CCDC152: variants seen among roughly 807,000 people sequenced by gnomAD.
CCDC152 encodes coiled-coil domain containing 152.
A neutral mutation model predicts 38.1 loss-of-function variants in CCDC152; 37 were observed. The ratio of observed to expected loss-of-function variants is 0.97; its 90% CI spans 0.75 to 1.28. The LOEUF (loss-of-function observed/expected upper bound fraction) is 1.28. Ranked by LOEUF, CCDC152 falls within the 50% of genes most tolerant of loss-of-function variation. The pLI, the probability that CCDC152 is intolerant of heterozygous loss-of-function variation, is 0.00. For synonymous variants in CCDC152, 83 were observed against 87.1 expected (o/e 0.95, Z 0.26); for missense variants, 259 against 292.1 (o/e 0.89, Z 0.83).
intron 6 of CCDC152, among the ~76,000 whole-genome samples, chr5:42,789,428 C>T (rs1455865082): frequency 6.6e-6 from 1 of 152,174 alleles, no homozygotes; most frequent in Non-Finnish European, 1.5e-5. Context: ...GAATTCCCAA[C>T]CTCAAGTAAT....
At chr5:42,760,989 C>T (rs1243592622) in intron 2 of CCDC152, among the ~76,000 whole-genome samples, 3 of 152,036 alleles carry the variant, frequency 2.0e-5, no homozygotes, top group Admixed American at 1.3e-4. Context: ...TTGAAAGAGT[C>T]GTCTCTTGGA....
In CCDC152 at chr5:42,784,382, A is replaced by G. The variant is rs1579717282; in HGVS notation, c.430+806A>G. On this transcript the variant is annotated intron_variant, in intron 6 of 8. Coordinates refer to ENST00000361970, the MANE Select transcript of CCDC152 (RefSeq NM_001134848.2). ...TTAGTAATGTTGAACATTTTTTCAT[A>G]TGCTTGTCAGCTGTGTGTATGTCTT... Among the ~76,000 whole-genome samples the G allele has an allele frequency of 2.0e-5, 3 of 152,226 alleles. No homozygotes were observed. The South Asian group carries it at 6.2e-4, about 32-fold the overall frequency.
At chr5:42,765,677 A>G (rs1759615087) in intron 3 of CCDC152, among the ~76,000 whole-genome samples, 1 of 152,188 alleles carries the variant, frequency 6.6e-6, no homozygotes, top group East Asian at 1.9e-4. Flanking sequence ...GACAGTCTTC[A>G]ATAACTGGTG....
At chr5:42,786,047 T>C (rs1375589695) in intron 6 of CCDC152, among the ~76,000 whole-genome samples, 1 of 152,082 alleles carries the variant, frequency 6.6e-6, no homozygotes, top group African/African-American at 2.4e-5. Flanking sequence ...GAATCTATGT[T>C]TATCAGGGAT....
chr5:42,774,225 G>A (rs1759740590), intron 4 of CCDC152, among the ~76,000 whole-genome samples: 1 of 152,154 alleles, frequency 6.6e-6, no homozygotes, highest in South Asian at 2.1e-4. Context: ...TTGATGAATT[G>A]CAGATGGCTC....
At chr5:42,774,086 G>A (rs1428164104) in intron 4 of CCDC152, among the ~76,000 whole-genome samples, 1 of 152,160 alleles carries the variant, frequency 6.6e-6, no homozygotes, top group East Asian at 1.9e-4. Flanking sequence ...CTTTTGATCA[G>A]AGAACTGAGG....
intron 6 of CCDC152, among the ~76,000 whole-genome samples, chr5:42,790,971 G>C (rs1373538253): frequency 1.3e-5 from 2 of 152,096 alleles, no homozygotes; most frequent in African/African-American, 4.8e-5. Context: ...TTCTCTACAT[G>C]AGTTCATGTA....
chr5:42,790,676 G>A (rs1225359635), intron 6 of CCDC152, among the ~76,000 whole-genome samples: 1 of 152,122 alleles, frequency 6.6e-6, no homozygotes, highest in African/African-American at 2.4e-5. Flanking sequence ...AGAAAAGAAG[G>A]AATCTTGGGT....
chr5:42,771,793 C>G (rs1759702404), intron 4 of CCDC152, among the ~76,000 whole-genome samples: 1 of 151,952 alleles, frequency 6.6e-6, no homozygotes, highest in African/African-American at 2.4e-5. Flanking sequence ...AAAGAAAAGC[C>G]CAGGATGAGG....
In CCDC152 at chr5:42,794,545, A is replaced by G. The variant is rs79231024; in HGVS notation, c.431-2284A>G. ...AAAAATAATAGCTGCTGATTTGGTG[A>G]GCCAGAAGGCCAGCAACACCATGTG... On this transcript the variant is annotated intron_variant, in intron 6 of 8. Transcript: ENST00000361970. Among the ~76,000 whole-genome samples the G allele has an allele frequency of 8.1e-3, 1,238 of 152,328 alleles. 7 individuals carry two copies. Among genetic ancestry groups the G allele is most frequent in the Middle Eastern group, 0.014 (4 of 294 alleles).
chr5:42,770,106 A>G (rs1018734047), intron 4 of CCDC152, among the ~76,000 whole-genome samples: 1 of 152,240 alleles, frequency 6.6e-6, no homozygotes, highest in African/African-American at 2.4e-5. Context: ...CATTCAGCTT[A>G]TCTTATCTGT....
At chr5:42,757,733 G>A (rs190308719) in intron 1 of CCDC152, among the ~76,000 whole-genome samples, 2 of 152,338 alleles carry the variant, frequency 1.3e-5, no homozygotes, top group Non-Finnish European at 2.9e-5. Flanking sequence ...TGGAATATTA[G>A]TGATGGTTTT....
chr5:42,764,178 G>A (rs1238001440), intron 3 of CCDC152, among the ~76,000 whole-genome samples: 4 of 152,138 alleles, frequency 2.6e-5, no homozygotes, highest in Admixed American at 2.0e-4. Context: ...TTTGGAGGCC[G>A]AGGAGGGTGG....
intron 6 of CCDC152, among the ~76,000 whole-genome samples, chr5:42,792,523 A>G (rs954633183): frequency 6.6e-6 from 1 of 152,296 alleles, no homozygotes; most frequent in South Asian, 2.1e-4. Context: ...GGCATTCCCC[A>G]CCACCAGGAC....
intron 7 of CCDC152, among the ~76,000 whole-genome samples, chr5:42,797,860 T>C (rs1760095752): frequency 6.6e-6 from 1 of 151,980 alleles, no homozygotes; most frequent in Non-Finnish European, 1.5e-5. Flanking sequence ...TCAAAAGTCT[T>C]GAGTAGGCCG....
intron 4 of CCDC152, among the ~76,000 whole-genome samples, chr5:42,773,337 A>G (rs1265856884): frequency 6.6e-6 from 1 of 152,184 alleles, no homozygotes; most frequent in African/African-American, 2.4e-5. Flanking sequence ...ATTCTTATTT[A>G]TCTTTATTTT....
intron 8 of CCDC152, 40 bp downstream of exon 8, chr5:42,799,498 A>G: frequency 7.6e-7 from 1 of 1,320,786 alleles, no homozygotes; most frequent in Non-Finnish European, 1.0e-6. Flanking sequence ...GCTTAAGAAA[A>G]CTTTCTAAGC....
At chr5:42,783,156 C>T (rs1471003762) in intron 5 of CCDC152, among the ~76,000 whole-genome samples, 7 of 152,096 alleles carry the variant, frequency 4.6e-5, no homozygotes, top group African/African-American at 1.7e-4. Flanking sequence ...AAGCGTGAGC[C>T]ACCACACCAG....
chr5:42,769,375 T>A (rs1759668549), intron 3 of CCDC152, among the ~76,000 whole-genome samples: 1 of 152,064 alleles, frequency 6.6e-6, no homozygotes, highest in Non-Finnish European at 1.5e-5. Context: ...TCTTGCTCTG[T>A]CACTCAGGCT....
Sources: allele counts gnomAD v4.1 joint callset (sites outside exome capture counted in the v4.1 genomes callset), GRCh38; gene constraint gnomAD v4.1.1; transcripts MANE v1.5; gene names NCBI Gene and HGNC (gene_info 2026-07-23, HGNC 2026-07-21).